The following NFIX variants were observed in gnomAD, a reference collection of about 807,000 sequenced individuals.
NFIX encodes nuclear factor 1 X-type.
A neutral mutation model predicts 53.3 loss-of-function variants in NFIX; 2 were observed. The observed-to-expected ratio is 0.04, with a 90% CI of 0.02 to 0.12. The LOEUF (loss-of-function observed/expected upper bound fraction) is 0.12, where lower values mean the gene tolerates loss of function less well. Among genes scored for constraint, NFIX ranks in the 10% least tolerant of loss-of-function variants. The pLI is 1.00. For synonymous variants in NFIX, 244 were observed against 289.0 expected (o/e 0.84, Z 1.58); for missense variants, 310 against 674.5 (o/e 0.46, Z 5.99).
chr19:13,003,297 G>A (rs1167893268), intron 1 of NFIX, among the ~76,000 whole-genome samples: 4 of 152,188 alleles, frequency 2.6e-5, no homozygotes, highest in Middle Eastern at 3.4e-3. Flanking sequence ...CGAACACATC[G>A]ATGCGGCATT....
chr19:13,059,893 C>T (rs1299634511), intron 2 of NFIX, among the ~76,000 whole-genome samples: 1 of 146,104 alleles, frequency 6.8e-6, no homozygotes, highest in East Asian at 2.1e-4. Context: ...AAGCGATTCT[C>T]TTGCCTCAGC....
At chr19:12,997,106 C>T (rs1415545474) in intron 1 of NFIX, among the ~76,000 whole-genome samples, 3 of 152,282 alleles carry the variant, frequency 2.0e-5, no homozygotes, top group Non-Finnish European at 4.4e-5. Context: ...TGATCCTTGT[C>T]AGCCATGTGC....
At chr19:13,033,248 A>C (rs10422784) in intron 2 of NFIX, among the ~76,000 whole-genome samples, 123,985 of 152,152 alleles carry the variant, frequency 0.81, 51,563 homozygotes, top group East Asian at 1. Context: ...TCCCAGGAGG[A>C]GGAGGGCCTA....
chr19:13,079,928 A>G (rs983127333), intron 7 of NFIX, among the ~76,000 whole-genome samples: 3 of 152,214 alleles, frequency 2.0e-5, no homozygotes, highest in African/African-American at 7.2e-5. Flanking sequence ...AGCACATGAG[A>G]ACACCGCCTA....
intron 1 of NFIX, among the ~76,000 whole-genome samples, chr19:12,997,847 G>A (rs905572813): frequency 3.9e-5 from 6 of 152,218 alleles, no homozygotes; most frequent in South Asian, 4.1e-4. Flanking sequence ...GACCCAGGGC[G>A]ATGGCCGGTG....
chr19:13,029,610 C>T (rs1415866300), intron 2 of NFIX, among the ~76,000 whole-genome samples: 3 of 152,122 alleles, frequency 2.0e-5, no homozygotes, highest in South Asian at 2.1e-4. Context: ...CTGCAGGCTG[C>T]GCTGCCCCGA....
rs754225393 is a variant in NFIX at position 13,022,544 on chromosome 19, A to G, written c.28-2477A>G. Among the ~76,000 whole-genome samples the G allele has an allele frequency of 2.6e-5, 4 of 151,802 alleles. No individual in the cohort carries two copies. The highest frequency in any genetic ancestry group is 2.0e-4 in the Admixed American group (3 of 15,260). ...TTCATAGCACCGCAGGCCCGTGTGT[A>G]TGTGGCCGGGGAGGAAAACTTCCAC... On this transcript the variant is annotated intron_variant, in intron 1 of 10. Transcript: ENST00000592199. This position sits in a 1 kb window ranked among gnomAD's most constrained non-coding sequence, Gnocchi z 4.5.
At chr19:13,007,321 T>G (rs2145145376) in intron 1 of NFIX, among the ~76,000 whole-genome samples, 1 of 152,264 alleles carries the variant, frequency 6.6e-6, no homozygotes, top group East Asian at 1.9e-4. Context: ...GCTTTCTGCG[T>G]GCTCGTGTGT....
rs2011438749 is a variant in NFIX, at chr19:12,995,707, G to A, written c.-131G>A. 5.8e-6 allele frequency: 1 copy of A among 173,100 alleles called. No homozygotes were observed. Among genetic ancestry groups the A allele is most frequent in the Non-Finnish European group, 1.1e-5 (1 of 91,732 alleles). The allele number at this position is 173,100 out of a possible 1,614,324, so 10.7% of individuals were successfully genotyped here. On this transcript the variant is annotated 5_prime_UTR_variant, in exon 1 of 11. Transcript: ENST00000592199. Reference sequence around the variant, plus strand: ...GCGGCGCCGGGCCGAGCGCGGGGCCGCGGGCCGGGCGGGCGCAGCGCGGCG... The same window carrying A: ...GCGGCGCCGGGCCGAGCGCGGGGCCACGGGCCGGGCGGGCGCAGCGCGGCG...
rs1310736890 is a variant in NFIX, at chr19:13,074,563, A to G, written c.818+537A>G. Reference sequence around the variant, plus strand: ...GCAACAGTGTGTGTGGGCGGGACTGATAGCCAGTTAGGAGGCCATTGGAAA... The same window carrying G: ...GCAACAGTGTGTGTGGGCGGGACTGGTAGCCAGTTAGGAGGCCATTGGAAA... On this transcript the variant is annotated intron_variant, in intron 5 of 10. Transcript: ENST00000592199. 4.6e-5 allele frequency among the ~76,000 whole-genome samples: 7 copies of G among 151,474 alleles called. No homozygotes were observed. The South Asian group carries it at 1.5e-3, about 32-fold the overall frequency.
Position 13,094,239 on chromosome 19 carries a change from C to T in NFIX, c.1495-396C>T, listed in dbSNP as rs546024984. Among the ~76,000 whole-genome samples the T allele has an allele frequency of 3.9e-5, 6 of 152,340 alleles. No homozygotes were observed. The South Asian group carries it at 1.2e-3, about 32-fold the overall frequency. ...AAGCTGGGCCACCCCCAACCCATTC[C>T]TAAAACCCCTCTGGGTACAAAAGCC... On this transcript the variant is annotated intron_variant, in intron 10 of 10. Transcript: ENST00000592199. This position sits in a 1 kb window ranked among gnomAD's most constrained non-coding sequence, Gnocchi z 4.3.
intron 2 of NFIX, among the ~76,000 whole-genome samples, chr19:13,063,788 G>A (rs554795153): frequency 3.3e-5 from 5 of 152,212 alleles, no homozygotes; most frequent in African/African-American, 9.6e-5. Context: ...CAGAGCCTCC[G>A]CCTCCTGTTT....
chr19:13,026,515 C>T (rs539432453), intron 2 of NFIX, among the ~76,000 whole-genome samples: 1 of 152,006 alleles, frequency 6.6e-6, no homozygotes, highest in Non-Finnish European at 1.5e-5. Flanking sequence ...CCTTTTTTCC[C>T]TTACCCTTTC....
intron 1 of NFIX, among the ~76,000 whole-genome samples, chr19:13,016,821 C>G (rs2012696274): frequency 6.6e-6 from 1 of 152,158 alleles, no homozygotes; most frequent in Non-Finnish European, 1.5e-5. Context: ...CTCGGCAGCC[C>G]TTGCCGGGCT....
intron 1 of NFIX, among the ~76,000 whole-genome samples, chr19:13,000,492 A>AT (rs2011637734): frequency 6.8e-6 from 1 of 147,804 alleles, no homozygotes; most frequent in Admixed American, 6.8e-5. Flanking sequence ...TTACCTTTGG[A>AT]TGGGGGCCTG....
chr19:13,024,476 T>G (rs904286174), intron 1 of NFIX: 4 of 1,475,824 alleles, frequency 2.7e-6, no homozygotes, highest in African/African-American at 2.8e-5. Context: ...CGCTTGCTCG[T>G]GGATGTCATT....
intron 2 of NFIX, among the ~76,000 whole-genome samples, chr19:13,058,954 C>T (rs562785715): frequency 6.6e-6 from 1 of 152,236 alleles, no homozygotes; most frequent in Admixed American, 6.5e-5. Flanking sequence ...TAGGTCCCCA[C>T]TCTTCCCCGG....
Position 13,089,116 on chromosome 19 carries a change from C to T in NFIX, c.1402+980C>T, listed in dbSNP as rs1242626440. On this transcript the variant is annotated intron_variant, in intron 9 of 10. Transcript: ENST00000592199. The surrounding 1 kb of genome is among the most constrained non-coding windows in gnomAD (Gnocchi z 4.8). ...CGTGGTTTGAGTTCTTTTCCCCTCT[C>T]CATCCTCTTCATGCCATCTTCCCAT... Among the ~76,000 whole-genome samples the T allele has an allele frequency of 1.3e-5, 2 of 152,122 alleles. No individual in the cohort carries two copies. The highest frequency in any genetic ancestry group is 4.8e-5 in the African/African-American group (2 of 41,422).
In NFIX at chr19:13,078,759, G is replaced by T. The variant is rs750303463; in HGVS notation, c.1078+24G>T. 4 of 1,586,600 alleles carry T rather than the reference G, an allele frequency of 2.5e-6. No homozygotes were observed. Among genetic ancestry groups the T allele is most frequent in the Admixed American group, 1.8e-5 (1 of 56,734 alleles). ...AGGTGAGAAATGGGGGGCCCCGGAG[G>T]GGGGCAGTTGGGGAGGTGGCTGAGT... is the stretch of plus-strand genomic sequence containing the variant. On this transcript the variant is annotated intron_variant, in intron 7 of 10. Coordinates refer to ENST00000592199, the MANE Select transcript of NFIX (RefSeq NM_001365902.3). The surrounding 1 kb of genome is among the most constrained non-coding windows in gnomAD (Gnocchi z 4.7).
Sources: gnomAD v4.1 joint callset for allele counts (sites outside exome capture counted in the v4.1 genomes callset) on GRCh38, gnomAD v4.1.1 for gene constraint, Gnocchi (gnomAD v3.1) non-coding constraint, MANE v1.5 for transcripts, NCBI Gene and HGNC (gene_info 2026-07-23, HGNC 2026-07-21) for gene names.